KLHL13: variants seen among roughly 807,000 people sequenced by gnomAD.
KLHL13 encodes the protein kelch-like protein 13.
Under a neutral mutation model 37.1 loss-of-function variants are expected in KLHL13, and 10 were observed. That is an observed-to-expected ratio of 0.27 (90% CI 0.17 to 0.46). KLHL13 has a LOEUF of 0.46. Ranked by LOEUF, KLHL13 falls within the 20% of genes least tolerant of loss-of-function variation. KLHL13 has a pLI of 1.00. For synonymous variants in KLHL13, 163 were observed against 181.2 expected (o/e 0.90, Z 0.81); for missense variants, 360 against 509.3 (o/e 0.71, Z 2.82).
At chrX:117,979,886 A>T (rs2053641195) in intron 1 of KLHL13, among the ~76,000 whole-genome samples, 1 of 111,982 alleles carries the variant, frequency 8.9e-6, no homozygotes, top group Admixed American at 9.5e-5. Context: ...TCTCTCAGCA[A>T]CTTCCTAAGT....
intron 1 of KLHL13, among the ~76,000 whole-genome samples, chrX:117,997,723 T>C (rs946362207): frequency 4.5e-5 from 5 of 111,556 alleles, no homozygotes; most frequent in Non-Finnish European, 9.4e-5. Flanking sequence ...TAAATTCTAA[T>C]TTTCAGGGCT....
At chrX:118,006,813 A>G (rs1284978652) in intron 1 of KLHL13, among the ~76,000 whole-genome samples, 1 of 112,112 alleles carries the variant, frequency 8.9e-6, no homozygotes, top group Non-Finnish European at 1.9e-5. Flanking sequence ...CTCCACACTC[A>G]GTATCACATT....
chrX:117,908,644 T>G (rs1930752565), intron 5 of KLHL13, among the ~76,000 whole-genome samples: 1 of 111,749 alleles, frequency 8.9e-6, no homozygotes, highest in Admixed American at 9.6e-5. Flanking sequence ...TACATCAAAG[T>G]ACATTTATGA....
At chrX:117,971,204 A>G (rs1398733757) in intron 1 of KLHL13, among the ~76,000 whole-genome samples, 14 of 111,930 alleles carry the variant, frequency 1.3e-4, no homozygotes, top group African/African-American at 4.2e-4. Flanking sequence ...GATCTTTTAG[A>G]CAATCAAATA....
At chrX:117,938,488 A>G (rs1017151072) in intron 2 of KLHL13, among the ~76,000 whole-genome samples, 4 of 111,304 alleles carry the variant, frequency 3.6e-5, no homozygotes, top group Non-Finnish European at 7.5e-5. Flanking sequence ...TTTTTTATTA[A>G]AAAATTCTGG....
At chrX:117,919,975 T>A (rs1931602354) in intron 3 of KLHL13, among the ~76,000 whole-genome samples, 1 of 106,781 alleles carries the variant, frequency 9.4e-6, no homozygotes, top group Non-Finnish European at 1.9e-5. Context: ...GTAGAGATTG[T>A]ACTAGGAGGA....
rs1291302021 is a variant in KLHL13, at chrX:117,952,218, G to C, written c.99-6643C>G. On this transcript the variant is annotated intron_variant, in intron 1 of 6. Coordinates refer to ENST00000262820, the Ensembl canonical transcript of KLHL13. Reference sequence around the variant, plus strand: ...TACCAAAACAGAGATATAGATCAATGGAACAGAACAGAGCCCTCAGAAATA... The same window carrying C: ...TACCAAAACAGAGATATAGATCAATCGAACAGAACAGAGCCCTCAGAAATA... 4.5e-5 allele frequency among the ~76,000 whole-genome samples: 5 copies of C among 111,303 alleles called. No individual in the cohort carries two copies. The East Asian group carries it at 1.1e-3, about 25-fold the overall frequency.
chrX:117,941,464 C>T (rs765223835), intron 2 of KLHL13, among the ~76,000 whole-genome samples: 1 of 111,458 alleles, frequency 9.0e-6, no homozygotes, highest in South Asian at 3.8e-4. Flanking sequence ...TCCGTCTGGT[C>T]CTGGGCCTTT....
intron 1 of KLHL13, among the ~76,000 whole-genome samples, chrX:118,078,026 T>C (rs1361824594): frequency 8.9e-6 from 1 of 112,408 alleles, no homozygotes; most frequent in African/African-American, 3.2e-5. Flanking sequence ...TTACTCTTTC[T>C]GCAATTGAAT....
intron 1 of KLHL13, among the ~76,000 whole-genome samples, chrX:118,019,161 C>T (rs1490268505): frequency 1.8e-5 from 2 of 111,038 alleles, no homozygotes; most frequent in Non-Finnish European, 3.8e-5. Flanking sequence ...ACTTATTCAC[C>T]TCACCTAACT....
chrX:117,965,170 TC>T (rs1182622178), intron 1 of KLHL13, among the ~76,000 whole-genome samples: 22 of 111,756 alleles, frequency 2.0e-4, no homozygotes, highest in African/African-American at 7.2e-4. Flanking sequence ...CACACTGACT[TC>T]CACAATGGTT....
intron 4 of KLHL13, among the ~76,000 whole-genome samples, chrX:117,917,549 A>G (rs1285936114): frequency 8.9e-6 from 1 of 112,669 alleles, no homozygotes; most frequent in Non-Finnish European, 1.9e-5. Flanking sequence ...ACTGGAAATT[A>G]GCAATACAAA....
chrX:117,938,885 T>C (rs1932898195), intron 2 of KLHL13, among the ~76,000 whole-genome samples: 1 of 111,195 alleles, frequency 9.0e-6, no homozygotes, highest in African/African-American at 3.3e-5. Flanking sequence ...TATCCTCATA[T>C]GTATAACAAA....
chrX:118,015,705 C>T (rs1444498498), intron 1 of KLHL13, among the ~76,000 whole-genome samples: 1 of 111,493 alleles, frequency 9.0e-6, no homozygotes, highest in Non-Finnish European at 1.9e-5. Flanking sequence ...AAACATGCAA[C>T]TCTTCAGTTA....
At chrX:118,102,750 T>C (rs1158834472) in intron 1 of KLHL13, among the ~76,000 whole-genome samples, 1 of 112,444 alleles carries the variant, frequency 8.9e-6, no homozygotes, top group East Asian at 2.8e-4. Flanking sequence ...AACAGGTAGA[T>C]GGACCTAACC....
chrX:117,923,467 G>T (rs1181872013), intron 2 of KLHL13, among the ~76,000 whole-genome samples: 3 of 111,345 alleles, frequency 2.7e-5, no homozygotes, highest in Non-Finnish European at 3.8e-5. Flanking sequence ...AGAAATTCTG[G>T]ATTATTTATT....
intron 2 of KLHL13, among the ~76,000 whole-genome samples, chrX:117,941,129 G>C (rs1458633041): frequency 3.6e-5 from 4 of 111,515 alleles, no homozygotes; most frequent in Non-Finnish European, 7.5e-5. Context: ...TCAATACCTA[G>C]TTTATTGAGA....
At chrX:118,015,923 C>G (rs62609222) in intron 1 of KLHL13, among the ~76,000 whole-genome samples, 2,337 of 110,997 alleles carry the variant, frequency 0.021, 27 homozygotes, top group Middle Eastern at 0.07. Context: ...ATTATTGCCA[C>G]GCTTACTTCA....
chrX:117,989,477 CA>C lies in KLHL13; in HGVS notation c.-55-43903del, dbSNP rs377351378. Among the ~76,000 whole-genome samples, 453 of 92,761 alleles carry C rather than the reference CA, an allele frequency of 4.9e-3. 2 individuals carry two copies. Among genetic ancestry groups the C allele is most frequent in the African/African-American group, 8.8e-3 (226 of 25,806 alleles). The allele number at this position is 92,761 out of a possible 115,157, so 80.6% of individuals were successfully genotyped here. On this transcript the variant is annotated intron_variant, in intron 1 of 6. Coordinates refer to the KLHL13 transcript ENST00000371882. ...ATATGACTCCTAAACACCTCCCCTC[CA>C]AAAAAAAAAAAAGTCTTCACATAAA...
Sources: gnomAD v4.1 joint callset for allele counts (sites outside exome capture counted in the v4.1 genomes callset) on GRCh38, gnomAD v4.1.1 for gene constraint, MANE v1.5 for transcripts, NCBI Gene and HGNC (gene_info 2026-07-23, HGNC 2026-07-21) for gene names.